The following KCNH6 variants were observed in gnomAD, a reference collection of about 807,000 sequenced individuals.
KCNH6 encodes voltage-gated inwardly rectifying potassium channel KCNH6.
KCNH6 carries 81 observed loss-of-function variants against 83.4 expected under a neutral mutation model. That is an observed-to-expected ratio of 0.97 (90% CI 0.81 to 1.17). The LOEUF is 1.17. Among genes scored for constraint, KCNH6 ranks in the 50% most tolerant of loss-of-function variants. KCNH6 has a pLI of 0.00. For synonymous variants in KCNH6, 503 were observed against 545.6 expected, an observed-to-expected ratio of 0.92 and a Z score of 1.09; for missense variants, 1,203 against 1,290.5, an observed-to-expected ratio of 0.93 and a Z score of 1.04.
In KCNH6 at chr17:63,542,261, G is replaced by A. The variant is rs1568086101; in HGVS notation, c.1975G>A (p.Glu659Lys). 1.2e-6 allele frequency: 2 copies of A among 1,613,914 alleles called. No homozygotes were observed. Among genetic ancestry groups the A allele is most frequent in the Admixed American group, 1.7e-5 (1 of 60,030 alleles). The change falls in exon 9 of 13, where the codon GAA becomes AAA. Residue 659 changes from glutamate to lysine, a missense_variant. Coordinates refer to ENST00000314672, the MANE Select transcript of KCNH6 (RefSeq NM_001278919.2). ...GGCAGGAAAGAATGACATCTTTGGG[G>A]AACCCGTCAGCCTCCATGCCCAGCC... ...AILGKNDIFG[E>K]PVSLHAQPGK...
intron 9 of KCNH6, among the ~76,000 whole-genome samples, chr17:63,543,123 A>G (rs2032956233): frequency 6.6e-6 from 1 of 152,194 alleles, no homozygotes; most frequent in South Asian, 2.1e-4. Context: ...GCAGGGAAAC[A>G]CAGAGCCCGG....
rs200551919 is a variant in KCNH6, at chr17:63,524,229, G to A, written c.167G>A (p.Arg56Gln). Residue 56 changes from arginine (R) to glutamine (Q), a missense_variant, in exon 2 of 13, where the codon CGA becomes CAA. Physicochemically the swap from Arg to Gln is conservative, Grantham distance 43. Transcript: ENST00000314672. ...TTCTGCGAACTCTTCGGCTACTCCCGAGTGGAGGTGATGCAGCAACCCTGC... is the reference window on the plus strand; with the variant it reads ...TTCTGCGAACTCTTCGGCTACTCCCAAGTGGAGGTGATGCAGCAACCCTGC... ...DGFCELFGYS[R>Q]VEVMQQPCTC... The A allele has an allele frequency of 5.8e-5, 94 of 1,614,106 alleles. No individual in the cohort carries two copies. Among genetic ancestry groups the A allele is most frequent in the Admixed American group, 5.2e-4 (31 of 60,026 alleles).
rs372295286 is a variant in KCNH6 at position 63,526,501 on chromosome 17, C to T, written c.307+2132C>T. 8.6e-5 allele frequency among the ~76,000 whole-genome samples: 13 copies of T among 151,582 alleles called. No individual in the cohort carries two copies. The East Asian group carries it at 1.2e-3, about 14-fold the overall frequency. On this transcript the variant is annotated intron_variant, in intron 2 of 12. Transcript: ENST00000314672. ...CCTCCTGAGTAGCTGAGACTACAGG[C>T]GCGCACCCTCACACCCGACTAATTT...
In KCNH6 at chr17:63,528,573, G is replaced by A. The variant is rs576749356; in HGVS notation, c.308-1518G>A. Among the ~76,000 whole-genome samples, 33 of 152,284 alleles carry A rather than the reference G, an allele frequency of 2.2e-4. 1 individual carries two copies. Among genetic ancestry groups the A allele is most frequent in the African/African-American group, 4.3e-4 (18 of 41,558 alleles). On this transcript the variant is annotated intron_variant, in intron 2 of 12. Transcript: ENST00000314672. Reference sequence around the variant, plus strand: ...AGCAGTGATACTCCCACCAGCGGCCGGCCTGCGTCCCCCACACGTGGGCTT... The same window carrying A: ...AGCAGTGATACTCCCACCAGCGGCCAGCCTGCGTCCCCCACACGTGGGCTT...
At chr17:63,548,739 C>T (rs916768324), downstream of KCNH6, 5 of 151,816 alleles carry the variant, frequency 3.3e-5, no homozygotes, top group South Asian at 2.1e-4. Flanking sequence ...GACAAGGTAC[C>T]GCGAATTTTG....
rs529176366 is a variant in KCNH6, at chr17:63,542,158, T to C, written c.1955-83T>C. 15 of 1,415,084 alleles carry C rather than the reference T, an allele frequency of 1.1e-5. No homozygotes were observed. In the East Asian group the frequency reaches 2.8e-4, roughly 26 times the overall value. 87.7% of individuals were successfully genotyped at this position (1,415,084 alleles called of 1,614,324 possible). A position where few individuals can be genotyped will look rare whatever the true frequency, so the allele number is the denominator to read the frequency against. ...CCCCGGCCTAGAAGGATGTCCGAGG[T>C]TGGGGGAGGTCACGGTCAAAGGACC... On this transcript the variant is annotated intron_variant, in intron 8 of 12. Coordinates refer to ENST00000314672, the MANE Select transcript of KCNH6 (RefSeq NM_001278919.2).
At chr17:63,544,946 GA>G (rs1263704675) in intron 11 of KCNH6, 131 bp from the exon 12 acceptor site, 11 of 865,610 alleles carry the variant, frequency 1.3e-5, no homozygotes, top group Non-Finnish European at 1.8e-5. Flanking sequence ...TCCCAGTAAG[GA>G]AATAGCTTCA....
intron 4 of KCNH6, among the ~76,000 whole-genome samples, chr17:63,532,549 G>A (rs1307940644): frequency 1.3e-5 from 2 of 152,180 alleles, no homozygotes; most frequent in African/African-American, 4.8e-5. Context: ...GGGCTTCCTG[G>A]GGAAGTACGA....
chr17:63,545,321 AC>A, intron 12 of KCNH6, 57 bp downstream of exon 12: 1 of 1,565,116 alleles, frequency 6.4e-7, no homozygotes, highest in South Asian at 1.1e-5. Flanking sequence ...TGCCTTCCCT[AC>A]CCTGACTTGT....
At chr17:63,531,843 G>C (rs79475171) in intron 4 of KCNH6, among the ~76,000 whole-genome samples, 1 of 152,276 alleles carries the variant, frequency 6.6e-6, no homozygotes, top group South Asian at 2.1e-4. Context: ...CTGCCTACCC[G>C]TTTGTTCCTC....
intron 2 of KCNH6, among the ~76,000 whole-genome samples, chr17:63,528,513 G>A (rs1190028683): frequency 1.3e-5 from 2 of 152,206 alleles, no homozygotes; most frequent in Admixed American, 1.3e-4. Flanking sequence ...GACGAAACAA[G>A]GAGTCTGGTG....
chr17:63,528,568 C>T (rs956088080), intron 2 of KCNH6, among the ~76,000 whole-genome samples: 5 of 152,292 alleles, frequency 3.3e-5, no homozygotes, highest in Admixed American at 6.5e-5. Flanking sequence ...CTCCCACCAG[C>T]GGCCGGCCTG....
intron 4 of KCNH6, among the ~76,000 whole-genome samples, chr17:63,531,469 G>A (rs1315871425): frequency 6.6e-6 from 1 of 152,366 alleles, no homozygotes; most frequent in South Asian, 2.1e-4. Flanking sequence ...AGCATGGAGG[G>A]GCCTGCTCCC....
Position 63,524,218 on chromosome 17 carries a change from C to T in KCNH6, c.156C>T (p.Phe52=), listed in dbSNP as rs140359442. Residue 52 remains phenylalanine, a synonymous_variant, in exon 2 of 13, where the codon TTC becomes TTT. Transcript: ENST00000314672. ...IYCNDGFCEL[F]GYSRVEVMQQ... is the part of the protein sequence containing the mutation. ...GCAACGACGGCTTCTGCGAACTCTT[C>T]GGCTACTCCCGAGTGGAGGTGATGC... 1.4e-5 allele frequency: 22 copies of T among 1,614,062 alleles called. No individual in the cohort carries two copies. The highest frequency in any genetic ancestry group is 8.3e-5 in the Admixed American group (5 of 60,014).
chr17:63,535,563 T>C lies in KCNH6; in HGVS notation c.1102-106T>C. 1 of 1,077,578 alleles carries C rather than the reference T, an allele frequency of 9.3e-7. No individual in the cohort carries two copies. The highest frequency in any genetic ancestry group is 1.3e-6 in the Non-Finnish European group (1 of 746,890). The allele number at this position is 1,077,578 out of a possible 1,614,324, so 66.8% of individuals were successfully genotyped here. On this transcript the variant is annotated intron_variant, in intron 5 of 12. Transcript: ENST00000314672. This position sits in a 1 kb window ranked among gnomAD's most constrained non-coding sequence, Gnocchi z 4.9. ...CCCGGAGGAAGTTCTCCATAAATGTTTGTTGAATGAGTATGTGGTTGTATG... is the reference window on the plus strand; with the variant it reads ...CCCGGAGGAAGTTCTCCATAAATGTCTGTTGAATGAGTATGTGGTTGTATG...
intron 2 of KCNH6, among the ~76,000 whole-genome samples, chr17:63,526,531 A>AT: frequency 6.6e-6 from 1 of 151,526 alleles, no homozygotes; most frequent in Middle Eastern, 3.4e-3. Flanking sequence ...TAATTTTTTA[A>AT]TTTTTTGTAG....
chr17:63,543,216 T>C (rs560452137), intron 9 of KCNH6, among the ~76,000 whole-genome samples: 1 of 152,156 alleles, frequency 6.6e-6, no homozygotes, highest in Non-Finnish European at 1.5e-5. Context: ...TTCCTGAGCA[T>C]AGAGCTGGGT....
Position 63,538,723 on chromosome 17 carries a change from G to A in KCNH6, c.1954+61G>A. On this transcript the variant is annotated intron_variant, in intron 8 of 12. Coordinates refer to ENST00000314672, the MANE Select transcript of KCNH6 (RefSeq NM_001278919.2). The surrounding 1 kb of genome is among the most constrained non-coding windows in gnomAD (Gnocchi z 4.0). The stretch of plus-strand genomic sequence containing the variant: ...GATTGGATGGAAGAGGGCGGGATTG[G>A]AGATGCCCTGCCCAGGCCACCCTCT... The A allele has an allele frequency of 2.0e-6, 3 of 1,482,878 alleles. No individual in the cohort carries two copies. The highest frequency in any genetic ancestry group is 2.7e-6 in the Non-Finnish European group (3 of 1,103,034). 91.9% of individuals were successfully genotyped at this position (1,482,878 alleles called of 1,614,324 possible).
chr17:63,545,323 C>A, intron 12 of KCNH6, 59 bp downstream of exon 12: 5 of 1,563,250 alleles, frequency 3.2e-6, no homozygotes, highest in Non-Finnish European at 4.4e-6. Flanking sequence ...CCTTCCCTAC[C>A]CTGACTTGTT....
Sources: allele counts gnomAD v4.1 joint callset (sites outside exome capture counted in the v4.1 genomes callset), GRCh38; gene constraint gnomAD v4.1.1; non-coding constraint Gnocchi (gnomAD v3.1); transcripts MANE v1.5; gene names NCBI Gene and HGNC (gene_info 2026-07-23, HGNC 2026-07-21).